The following ZNF888 variants were observed in gnomAD, a reference collection of about 807,000 sequenced individuals.
The protein encoded by ZNF888 is CTD-2331H12.6.
In ZNF888, 5 loss-of-function variants were observed where a neutral mutation model predicts 7.2. The ratio of observed to expected loss-of-function variants is 0.70; its 90% CI spans 0.36 to 1.46. The LOEUF (loss-of-function observed/expected upper bound fraction) is 1.46, where lower values mean the gene tolerates loss of function less well. ZNF888 is among the 40% of genes most tolerant of loss of function. The pLI, the probability that ZNF888 is intolerant of heterozygous loss-of-function variation, is 0.03. For missense variants in ZNF888, 716 were observed against 858.0 expected (o/e 0.83, Z 2.07); for synonymous variants, 240 against 284.3 (o/e 0.84, Z 1.57).
At position 52,914,901 on chromosome 19, in the gene ZNF888, A is replaced by T. The variant is rs560318008; in HGVS notation, c.142+295T>A. On this transcript the variant is annotated intron_variant, in intron 4 of 4. Coordinates refer to ENST00000638862, the MANE Select transcript of ZNF888 (RefSeq NM_001393938.1). ...AGGCTGGTCTCCAACTCCTGATCTA[A>T]AGTGATCCACATACCTCCCAAGGTG... Among the ~76,000 whole-genome samples the T allele has an allele frequency of 2.0e-4, 30 of 152,232 alleles. 2 individuals are homozygous for T. In the South Asian group the frequency reaches 6.0e-3, roughly 30 times the overall value.
chr19:52,919,337 T>C (rs1416252269), intron 1 of ZNF888, among the ~76,000 whole-genome samples: 1 of 64,392 alleles, frequency 1.6e-5, no homozygotes, highest in Admixed American at 2.0e-4. Flanking sequence ...CTGACTGGTT[T>C]TCATGTTTTT....
Position 52,905,363 on chromosome 19 carries a change from C to T in ZNF888, c.*802G>A, listed in dbSNP as rs888775120. 2 of 153,540 alleles carry T rather than the reference C, an allele frequency of 1.3e-5. No individual in the cohort carries two copies. Among genetic ancestry groups the T allele is most frequent in the Admixed American group, 6.5e-5 (1 of 15,408 alleles). 9.5% of individuals were successfully genotyped at this position (153,540 alleles called of 1,614,324 possible). On this transcript the variant is annotated 3_prime_UTR_variant, in exon 5 of 5. Transcript: ENST00000638862. ...TTTGATTGTAACTTTCCACTACCTACCCAAATCCTATAAAACGGCCCCACC... is the reference window on the plus strand; with the variant it reads ...TTTGATTGTAACTTTCCACTACCTATCCAAATCCTATAAAACGGCCCCACC...
chr19:52,922,740 AG>A (rs1167970563), intron 1 of ZNF888, among the ~76,000 whole-genome samples: 1 of 151,892 alleles, frequency 6.6e-6, no homozygotes, highest in African/African-American at 2.4e-5. Flanking sequence ...GAGGGTTTGG[AG>A]TAAGACGCCT....
chr19:52,911,549 A>G (rs955911227), intron 4 of ZNF888, among the ~76,000 whole-genome samples: 3 of 151,894 alleles, frequency 2.0e-5, no homozygotes, highest in East Asian at 2.0e-4. Context: ...CATGTCAGCC[A>G]GGATGGTCTC....
intron 1 of ZNF888, among the ~76,000 whole-genome samples, chr19:52,922,158 T>C (rs1721872661): frequency 6.6e-6 from 1 of 152,088 alleles, no homozygotes; most frequent in African/African-American, 2.4e-5. Context: ...CTACTAAAAA[T>C]ACAAAAATTA....
At position 52,905,990 on chromosome 19, in the gene ZNF888, C is replaced by T. The variant is rs369887073; in HGVS notation, c.*175G>A. 18 of 1,049,012 alleles carry T rather than the reference C, an allele frequency of 1.7e-5. No homozygotes were observed. The highest frequency in any genetic ancestry group is 2.0e-4 in the Middle Eastern group (1 of 4,950). The allele number at this position is 1,049,012 out of a possible 1,614,324, so 65.0% of individuals were successfully genotyped here. A position where few individuals can be genotyped will look rare whatever the true frequency, so the allele number is the denominator to read the frequency against. ...GCTTGACTGAAGACCTTGCCTCAAT[C>T]ATGACATTTGTAAGGTTTCTCTCCA... On this transcript the variant is annotated 3_prime_UTR_variant, in exon 5 of 5. Transcript: ENST00000638862.
At chr19:52,919,927 C>T (rs1306527306) in intron 1 of ZNF888, among the ~76,000 whole-genome samples, 2 of 60,798 alleles carry the variant, frequency 3.3e-5, no homozygotes, top group East Asian at 3.0e-4. Context: ...GTCCGGCAGC[C>T]ACCCCGTCTG....
intron 1 of ZNF888, chr19:52,921,642 C>T (rs2064823522): frequency 1.0e-6 from 1 of 984,222 alleles, no homozygotes. Flanking sequence ...GTAACATTTA[C>T]AAAATGCAAA....
chr19:52,916,827 A>G (rs564277297), intron 3 of ZNF888, among the ~76,000 whole-genome samples: 5 of 151,826 alleles, frequency 3.3e-5, no homozygotes, highest in African/African-American at 1.2e-4. Context: ...ATGAAGAATC[A>G]CTTGAACCCG....
chr19:52,913,732 C>A (rs996054901), intron 4 of ZNF888: 1 of 984,454 alleles, frequency 1.0e-6, no homozygotes, highest in Non-Finnish European at 1.2e-6. Flanking sequence ...TTCACTTCTG[C>A]GTACTGAAAG....
At chr19:52,913,848 G>A in intron 4 of ZNF888, 1 of 649,852 alleles carries the variant, frequency 1.5e-6, no homozygotes, top group Middle Eastern at 7.9e-4. Flanking sequence ...AATAACGGTT[G>A]GGCATGGTGG....
chr19:52,913,715 G>C, intron 4 of ZNF888: 1 of 982,632 alleles, frequency 1.0e-6, no homozygotes, highest in Non-Finnish European at 1.2e-6. Context: ...ATATCTATAC[G>C]ACACACTTCA....
intron 4 of ZNF888, chr19:52,913,861 C>G (rs1337223528): frequency 9.4e-6 from 5 of 530,304 alleles, no homozygotes; most frequent in Non-Finnish European, 9.6e-6. Flanking sequence ...CATGGTGGCT[C>G]ACGCCTGTAA....
chr19:52,915,508 C>A (rs2064735670), intron 3 of ZNF888, among the ~76,000 whole-genome samples, 186 bp from the exon 4 acceptor site: 1 of 58,768 alleles, frequency 1.7e-5, no homozygotes, highest in African/African-American at 8.3e-5. Context: ...GGAGTGTCGC[C>A]CTGTCGCCCA....
chr19:52,915,475 T>TGGAGGAGGCCATAACA (rs2064735224), intron 3 of ZNF888, among the ~76,000 whole-genome samples, 153 bp from the exon 4 acceptor site: 1 of 44,720 alleles, frequency 2.2e-5, no homozygotes, highest in Non-Finnish European at 5.5e-5. Context: ...ATGTATTTTT[T>TGGAGGAGGCCATAACA]TTCTTCTTTT....
Position 52,906,182 on chromosome 19 carries a change from C to T in ZNF888, c.2140G>A (p.Val714Ile). ...TLIHHQAIHG[V>I]GKLD ...TCATTACATTAGTCAAGTTTCCCTA[C>T]ACCATGGATTGCCTGATGGTGAATA... The change falls in exon 5 of 5, where the codon GTA (valine) becomes ATA (isoleucine). Residue 714 changes from valine to isoleucine, a missense_variant. Around this residue, in one of 2 missense-constraint regions of ZNF888, gnomAD observed 697 missense variants for 803.4 expected, o/e 0.87. Transcript: ENST00000638862. The T allele has an allele frequency of 6.2e-7, 1 of 1,611,734 alleles. No individual in the cohort carries two copies. Among genetic ancestry groups the T allele is most frequent in the African/African-American group, 1.3e-5 (1 of 75,014 alleles).
In ZNF888 at chr19:52,920,969, T is replaced by A. The variant is rs1382077141; in HGVS notation, c.-177-2032A>T. 1.5e-3 allele frequency among the ~76,000 whole-genome samples: 158 copies of A among 108,182 alleles called. 5 individuals carry two copies. Among genetic ancestry groups the A allele is most frequent in the Middle Eastern group, 0.01 (2 of 198 alleles). The allele number at this position is 108,182 out of a possible 152,430, so 71.0% of individuals were successfully genotyped here. A position where few individuals can be genotyped will look rare whatever the true frequency, so the allele number is the denominator to read the frequency against. On this transcript the variant is annotated intron_variant, in intron 1 of 4. Transcript: ENST00000638862. Reference sequence around the variant, plus strand: ...AAAAAAAAAAAAAAAAAAAAAAAAATCTTCATTTCTGATGTGGTTGATGCA... The same window carrying A: ...AAAAAAAAAAAAAAAAAAAAAAAAAACTTCATTTCTGATGTGGTTGATGCA...
rs1222607291 is a variant in ZNF888 at position 52,917,570 on chromosome 19, C to T, written c.15+289G>A. 2.0e-5 allele frequency among the ~76,000 whole-genome samples: 3 copies of T among 152,128 alleles called. No individual in the cohort carries two copies. In the East Asian group the frequency reaches 5.8e-4, roughly 29 times the overall value. On this transcript the variant is annotated intron_variant, in intron 3 of 4. Transcript: ENST00000638862. ...CATCCAGATGCGGCCCTGAACAATC[C>T]CTGCCGCCCAACACCACTGACACCA... is the stretch of plus-strand genomic sequence containing the variant.
chr19:52,917,060 C>T (rs767407898), intron 3 of ZNF888, among the ~76,000 whole-genome samples: 2 of 152,174 alleles, frequency 1.3e-5, no homozygotes, highest in Non-Finnish European at 2.9e-5. Context: ...CATAGTAACA[C>T]CACTGTCTCC....
Sources: allele counts gnomAD v4.1 joint callset (sites outside exome capture counted in the v4.1 genomes callset), GRCh38; gene constraint gnomAD v4.1.1; regional missense constraint gnomAD v4.1.1; transcripts MANE v1.5; gene names NCBI Gene and HGNC (gene_info 2026-07-23, HGNC 2026-07-21).